Variants in SPNS3 observed in about 807,000 individuals in gnomAD.
SPNS3 encodes SPNS lysolipid transporter 3, sphingosine-1-phosphate (putative).
SPNS3 carries 51 observed loss-of-function variants against 54.4 expected under a neutral mutation model. The observed-to-expected ratio is 0.94, with a 90% CI of 0.75 to 1.18. The LOEUF (loss-of-function observed/expected upper bound fraction) is 1.18. Among genes scored for constraint, SPNS3 ranks in the 50% most tolerant of loss-of-function variants. The pLI is 0.00. For synonymous variants in SPNS3, 309 were observed against 294.7 expected, an observed-to-expected ratio of 1.05 and a Z score of -0.50; for missense variants, 669 against 677.4, an observed-to-expected ratio of 0.99 and a Z score of 0.14.
intron 8 of SPNS3, among the ~76,000 whole-genome samples, chr17:4,465,498 C>T (rs903794730): frequency 2.6e-5 from 4 of 151,888 alleles, no homozygotes; most frequent in Non-Finnish European, 5.9e-5. Context: ...GAGGCCGAGG[C>T]GGGAGGATTA....
At chr17:4,452,561 C>A (rs1471810282) in intron 7 of SPNS3, among the ~76,000 whole-genome samples, 1 of 151,968 alleles carries the variant, frequency 6.6e-6, no homozygotes, top group Non-Finnish European at 1.5e-5. Flanking sequence ...CCAGGTGTAT[C>A]ACAGGGGCTC....
At chr17:4,487,129 G>A (rs1443295256) in intron 11 of SPNS3, among the ~76,000 whole-genome samples, 7 of 131,730 alleles carry the variant, frequency 5.3e-5, no homozygotes, top group Middle Eastern at 5.2e-3. Flanking sequence ...CTGAGATCTC[G>A]CCACTGCACT....
chr17:4,441,206 C>T (rs1052823724), intron 2 of SPNS3, among the ~76,000 whole-genome samples: 4 of 152,170 alleles, frequency 2.6e-5, no homozygotes, highest in Non-Finnish European at 5.9e-5. Flanking sequence ...TGGAGGAGTA[C>T]ATAGTTCTAG....
chr17:4,461,859 G>A (rs1223458280), intron 8 of SPNS3, among the ~76,000 whole-genome samples: 1 of 152,114 alleles, frequency 6.6e-6, no homozygotes, highest in African/African-American at 2.4e-5. Flanking sequence ...TACATTCTGA[G>A]TTTGTCGGGG....
rs201939415 is a variant in SPNS3, at chr17:4,486,555, C to T, written c.1422C>T (p.Asp474=). ...FLLTALYLER[D]ETRAWQPVTG... Reference sequence around the variant, plus strand: ...TGACTGCGCTGTACCTGGAGAGAGACGAGACCCGGGCCTGGCAGCCTGTCA... The same window carrying T: ...TGACTGCGCTGTACCTGGAGAGAGATGAGACCCGGGCCTGGCAGCCTGTCA... The change falls in exon 11 of 12, where the codon GAC becomes GAT. Residue 474 remains aspartate, a synonymous_variant. Coordinates refer to ENST00000355530, the MANE Select transcript of SPNS3 (RefSeq NM_182538.5). The surrounding 1 kb of genome is among the most constrained non-coding windows in gnomAD (Gnocchi z 5.5). 48 of 1,612,840 alleles carry T rather than the reference C, an allele frequency of 3.0e-5. No individual in the cohort carries two copies. The highest frequency in any genetic ancestry group is 2.5e-4 in the Admixed American group (15 of 59,928).
At chr17:4,455,920 G>C (rs983000424) in intron 8 of SPNS3, among the ~76,000 whole-genome samples, 4 of 19,658 alleles carry the variant, frequency 2.0e-4, no homozygotes, top group Non-Finnish European at 6.8e-4. Flanking sequence ...CCCTCTGTGG[G>C]GGGGGGGTGA....
Position 4,486,536 on chromosome 17 carries a change from C to A in SPNS3, c.1403C>A (p.Ala468Glu), listed in dbSNP as rs377243421. ...GGGGGCGGCTGCTTCCTGCTGACTGCGCTGTACCTGGAGAGAGACGAGACC... is the reference window on the plus strand; with the variant it reads ...GGGGGCGGCTGCTTCCTGCTGACTGAGCTGTACCTGGAGAGAGACGAGACC... ...ALGGGCFLLT[A>E]LYLERDETRA... The change falls in exon 11 of 12, where the codon GCG (alanine) becomes GAG (glutamate). Residue 468 changes from alanine to glutamate, a missense_variant. Coordinates refer to ENST00000355530, the MANE Select transcript of SPNS3 (RefSeq NM_182538.5). This position sits in a 1 kb window ranked among gnomAD's most constrained non-coding sequence, Gnocchi z 5.5. The A allele has an allele frequency of 6.2e-7, 1 of 1,613,386 alleles. No homozygotes were observed. The highest frequency in any genetic ancestry group is 8.5e-7 in the Non-Finnish European group (1 of 1,179,932).
intron 5 of SPNS3, among the ~76,000 whole-genome samples, chr17:4,447,852 T>C (rs1405613568): frequency 1.3e-5 from 2 of 152,162 alleles, no homozygotes; most frequent in Non-Finnish European, 2.9e-5. Context: ...CGAGGGTCCC[T>C]GTTCTCAACC....
chr17:4,434,940 C>T (rs566680410), intron 1 of SPNS3, among the ~76,000 whole-genome samples: 2 of 151,892 alleles, frequency 1.3e-5, no homozygotes, highest in East Asian at 1.9e-4. Flanking sequence ...GTAGCTGGGA[C>T]TACAGGCGCA....
At chr17:4,474,765 C>T (rs115154367) in intron 8 of SPNS3, among the ~76,000 whole-genome samples, 1 of 152,278 alleles carries the variant, frequency 6.6e-6, no homozygotes, top group Non-Finnish European at 1.5e-5. Flanking sequence ...CGCAGGTATG[C>T]GTGGGTACAT....
Position 4,449,260 on chromosome 17 carries a change from G to A in SPNS3, c.796G>A (p.Gly266Arg), listed in dbSNP as rs778648351. 1.4e-5 allele frequency: 23 copies of A among 1,612,006 alleles called. No individual in the cohort carries two copies. The highest frequency in any genetic ancestry group is 8.8e-5 in the South Asian group (8 of 91,042). Reference protein sequence around the residue: ...KNWSFVWSTLGVTAMAFVTGA... With the variant: ...KNWSFVWSTLRVTAMAFVTGA... ...CTGGAGTTTCGTGTGGTCGACCCTC[G>A]GAGTGACCGCCATGGCCTTTGTGAC... The change falls in exon 7 of 12, where the codon GGA (glycine) becomes AGA (arginine). Residue 266 changes from glycine to arginine, a missense_variant. Transcript: ENST00000355530.
At chr17:4,475,045 G>A (rs1971953076) in intron 8 of SPNS3, among the ~76,000 whole-genome samples, 3 of 152,060 alleles carry the variant, frequency 2.0e-5, no homozygotes, top group South Asian at 2.1e-4. Flanking sequence ...TGGCGCGGCC[G>A]CATGTGTGAC....
intron 8 of SPNS3, among the ~76,000 whole-genome samples, chr17:4,458,910 C>T (rs555237239): frequency 6.6e-6 from 1 of 152,118 alleles, no homozygotes; most frequent in African/African-American, 2.4e-5. Flanking sequence ...AGCCCCTTAT[C>T]CCGGCATTTA....
chr17:4,453,198 C>T lies in SPNS3; in HGVS notation c.1106C>T (p.Ala369Val). Reference protein sequence around the residue: ...ALVLAPTTLLASYVFLGLGEL... With the variant: ...ALVLAPTTLLVSYVFLGLGEL... ...GTCCTGGCCCCGACCACCCTGCTGG[C>T]CTCCTATGTAAGTGAGAGCCTCTAT... The change falls in exon 8 of 12, where the codon GCC becomes GTC. Residue 369 changes from alanine (A) to valine (V), a missense_variant. Coordinates refer to ENST00000355530, the MANE Select transcript of SPNS3 (RefSeq NM_182538.5). 2 of 1,612,276 alleles carry T rather than the reference C, an allele frequency of 1.2e-6. No individual in the cohort carries two copies. The highest frequency in any genetic ancestry group is 1.7e-6 in the Non-Finnish European group (2 of 1,179,458).
chr17:4,463,404 A>AC (rs1221302194), intron 8 of SPNS3, among the ~76,000 whole-genome samples: 2,370 of 144,336 alleles, frequency 0.016, 68 homozygotes, highest in African/African-American at 0.059. Flanking sequence ...CTCAAAAAAA[A>AC]AAAAAAACAA....
intron 11 of SPNS3, among the ~76,000 whole-genome samples, chr17:4,487,287 T>C (rs333124): frequency 0.47 from 71,638 of 151,490 alleles, 17,468 homozygotes; most frequent in Middle Eastern, 0.62. Context: ...TTCAGCGACC[T>C]GGGGAAAGAC....
chr17:4,439,948 G>A (rs971164360), intron 2 of SPNS3, among the ~76,000 whole-genome samples: 5 of 152,166 alleles, frequency 3.3e-5, no homozygotes, highest in Non-Finnish European at 7.4e-5. Flanking sequence ...AGCAGGGGGA[G>A]GTGGGGCTGG....
intron 8 of SPNS3, among the ~76,000 whole-genome samples, chr17:4,476,391 G>T (rs940334391): frequency 1.3e-4 from 20 of 152,152 alleles, no homozygotes; most frequent in Admixed American, 1.3e-3. Context: ...GGAAGGAAAG[G>T]GTGTATTTCA....
At chr17:4,471,584 G>C (rs1971855442) in intron 8 of SPNS3, among the ~76,000 whole-genome samples, 1 of 151,976 alleles carries the variant, frequency 6.6e-6, no homozygotes, top group Non-Finnish European at 1.5e-5. Flanking sequence ...TCCCACCTCA[G>C]CCTCCCAAGT....
Sources: gnomAD v4.1 joint callset for allele counts (sites outside exome capture counted in the v4.1 genomes callset) on GRCh38, gnomAD v4.1.1 for gene constraint, Gnocchi (gnomAD v3.1) non-coding constraint, MANE v1.5 for transcripts, NCBI Gene and HGNC (gene_info 2026-07-23, HGNC 2026-07-21) for gene names.